The following AUTS2 variants were observed in gnomAD, a reference collection of about 807,000 sequenced individuals.
AUTS2 encodes autism susceptibility gene 2 protein.
In AUTS2, 17 loss-of-function variants were observed where a neutral mutation model predicts 112.4. The ratio of observed to expected loss-of-function variants is 0.15; its 90% CI spans 0.10 to 0.23. The LOEUF (loss-of-function observed/expected upper bound fraction) is 0.23. AUTS2 is among the 10% of genes least tolerant of loss of function. The pLI is 1.00. For missense variants in AUTS2, 1,510 were observed against 1,701.6 expected (o/e 0.89, Z 1.98); for synonymous variants, 751 against 702.7 (o/e 1.07, Z -1.09).
intron 4 of AUTS2, among the ~76,000 whole-genome samples, chr7:70,378,033 C>T (rs569554667): frequency 1.1e-4 from 17 of 152,146 alleles, no homozygotes; most frequent in Middle Eastern, 3.4e-3. Context: ...ATCTCAGCCT[C>T]CCAAAGTGCT....
intron 2 of AUTS2, among the ~76,000 whole-genome samples, chr7:70,038,739 G>C (rs1801116481): frequency 1.3e-5 from 2 of 151,956 alleles, no homozygotes; most frequent in African/African-American, 4.8e-5. Context: ...TGGGAAAGTG[G>C]CATCACTTTC....
At chr7:69,823,119 TA>T (rs1034207360) in intron 1 of AUTS2, among the ~76,000 whole-genome samples, 5 of 151,858 alleles carry the variant, frequency 3.3e-5, no homozygotes, top group Admixed American at 2.0e-4. Context: ...GGCAGAACTG[TA>T]AAAAAAACGA....
rs560624806 is a variant in AUTS2 at position 69,958,020 on chromosome 7, C to T, written c.522+58522C>T. Among the ~76,000 whole-genome samples, 6 of 152,166 alleles carry T rather than the reference C, an allele frequency of 3.9e-5. No individual in the cohort carries two copies. The East Asian group carries it at 5.8e-4, about 15-fold the overall frequency. ...TACTGAAAATAAATAAATAAAAGGG[C>T]GAAGGACAGGCATTCATGGATGTAG... On this transcript the variant is annotated intron_variant, in intron 2 of 18. Coordinates refer to ENST00000342771, the MANE Select transcript of AUTS2 (RefSeq NM_015570.4).
At chr7:70,034,725 G>A (rs1281962964) in intron 2 of AUTS2, among the ~76,000 whole-genome samples, 1 of 152,134 alleles carries the variant, frequency 6.6e-6, no homozygotes, top group Non-Finnish European at 1.5e-5. Flanking sequence ...TCCAAAGATG[G>A]ATGGATTAGC....
At chr7:69,676,948 C>T (rs1003809623) in intron 1 of AUTS2, among the ~76,000 whole-genome samples, 2 of 151,968 alleles carry the variant, frequency 1.3e-5, no homozygotes, top group Admixed American at 1.3e-4. Context: ...CAAGAACACA[C>T]AGCTTCTCAT....
intron 4 of AUTS2, among the ~76,000 whole-genome samples, chr7:70,190,724 A>G (rs1408124988): frequency 6.6e-6 from 1 of 152,180 alleles, no homozygotes; most frequent in African/African-American, 2.4e-5. Context: ...ATTCTGTTTA[A>G]CCCAACGTAG....
chr7:69,817,546 G>A (rs1790815804), intron 1 of AUTS2, among the ~76,000 whole-genome samples: 1 of 152,200 alleles, frequency 6.6e-6, no homozygotes, highest in Non-Finnish European at 1.5e-5. Context: ...CTGGTGTGCA[G>A]TGTTCTGTCT....
intron 2 of AUTS2, among the ~76,000 whole-genome samples, chr7:70,069,539 G>A (rs1050153360): frequency 3.3e-5 from 5 of 152,048 alleles, no homozygotes; most frequent in African/African-American, 1.2e-4. Flanking sequence ...CTTTCTTCAT[G>A]TTGTTCTGTG....
At chr7:70,445,507 G>A (rs1200192007) in intron 5 of AUTS2, among the ~76,000 whole-genome samples, 1 of 152,128 alleles carries the variant, frequency 6.6e-6, no homozygotes, top group Admixed American at 6.5e-5. Context: ...AATAAAATTT[G>A]GGTCTACTAA....
At chr7:69,749,285 C>A (rs1372670550) in intron 1 of AUTS2, among the ~76,000 whole-genome samples, 1 of 152,162 alleles carries the variant, frequency 6.6e-6, no homozygotes, top group Admixed American at 6.5e-5. Context: ...ACAAGTCACC[C>A]ATTTAAAGTG....
intron 2 of AUTS2, among the ~76,000 whole-genome samples, chr7:70,076,225 G>C (rs1391913171): frequency 6.6e-6 from 1 of 151,720 alleles, no homozygotes; most frequent in Non-Finnish European, 1.5e-5. Context: ...ATAAAGAGTT[G>C]GCATAAAAAA....
chr7:70,164,062 C>T (rs1808253439), intron 4 of AUTS2, among the ~76,000 whole-genome samples: 1 of 152,176 alleles, frequency 6.6e-6, no homozygotes, highest in Non-Finnish European at 1.5e-5. Flanking sequence ...TTAGGTCCTA[C>T]TGTAAGTTTA....
intron 1 of AUTS2, among the ~76,000 whole-genome samples, chr7:69,614,811 TTTC>T (rs1366660110): frequency 3.3e-5 from 5 of 152,160 alleles, no homozygotes; most frequent in Non-Finnish European, 5.9e-5. Flanking sequence ...GAGGTGGCAG[TTTC>T]TTCTTGGAAT....
intron 2 of AUTS2, among the ~76,000 whole-genome samples, chr7:69,994,625 A>G (rs1328037572): frequency 6.6e-6 from 1 of 152,200 alleles, no homozygotes; most frequent in African/African-American, 2.4e-5. Context: ...CAGTGGGATT[A>G]TAGTATATAA....
At chr7:70,367,172 G>A (rs893824037) in intron 4 of AUTS2, among the ~76,000 whole-genome samples, 1 of 152,096 alleles carries the variant, frequency 6.6e-6, no homozygotes. Context: ...GCTGAGGCAC[G>A]AGAATCACTT....
rs551106582 is a variant in AUTS2, at chr7:69,662,070, C to T, written c.309+62108C>T. On this transcript the variant is annotated intron_variant, in intron 1 of 18. Coordinates refer to ENST00000342771, the MANE Select transcript of AUTS2 (RefSeq NM_015570.4). ...TGTTCTAAAGCCAGTATTACCTCCT[C>T]TCCCACCGCCCATGTATACTTCTTA... Among the ~76,000 whole-genome samples the T allele has an allele frequency of 5.9e-5, 9 of 152,204 alleles. No individual in the cohort carries two copies. The East Asian group carries it at 7.7e-4, about 13-fold the overall frequency.
At chr7:70,536,725 A>G (rs898142571) in intron 5 of AUTS2, among the ~76,000 whole-genome samples, 6 of 151,770 alleles carry the variant, frequency 4.0e-5, no homozygotes, top group Non-Finnish European at 5.9e-5. Context: ...ACATGGAGAA[A>G]CTTCGTCTCT....
chr7:70,092,405 G>A (rs1356574023), intron 2 of AUTS2, among the ~76,000 whole-genome samples: 4 of 152,166 alleles, frequency 2.6e-5, no homozygotes, highest in African/African-American at 4.8e-5. Context: ...TCCTGACCCC[G>A]TGTTAAGTGT....
chr7:70,625,508 T>G (rs763710584), intron 5 of AUTS2, among the ~76,000 whole-genome samples: 1 of 152,228 alleles, frequency 6.6e-6, no homozygotes, highest in Non-Finnish European at 1.5e-5. Context: ...CATGTGAATA[T>G]TCTTTTACTG....
Sources: allele counts gnomAD v4.1 joint callset (sites outside exome capture counted in the v4.1 genomes callset), GRCh38; gene constraint gnomAD v4.1.1; transcripts MANE v1.5; gene names NCBI Gene and HGNC (gene_info 2026-07-23, HGNC 2026-07-21).